Variants in TFPI observed in about 807,000 individuals in gnomAD.
TFPI encodes the protein anti-convertin.
In TFPI, 15 loss-of-function variants were observed where a neutral mutation model predicts 34.6. The ratio of observed to expected loss-of-function variants is 0.43; its 90% confidence interval spans 0.29 to 0.67. The LOEUF is 0.67. TFPI is among the 30% of genes least tolerant of loss of function. TFPI has a pLI of 0.15. For synonymous variants in TFPI, 105 were observed against 120.1 expected, an observed-to-expected ratio of 0.87 and a Z score of 0.82; for missense variants, 301 against 364.0, an observed-to-expected ratio of 0.83 and a Z score of 1.41.
chr2:187,485,425 T>C (rs1693191590), intron 4 of TFPI, among the ~76,000 whole-genome samples: 1 of 151,746 alleles, frequency 6.6e-6, no homozygotes, highest in African/African-American at 2.4e-5. Flanking sequence ...CCATTAAGAA[T>C]GGTTTAAATT....
intron 1 of TFPI, among the ~76,000 whole-genome samples, chr2:187,506,682 T>C (rs1686241695): frequency 6.6e-6 from 1 of 152,072 alleles, no homozygotes; most frequent in Non-Finnish European, 1.5e-5. Context: ...GGTATCCCCT[T>C]AATAGAATTT....
intron 1 of TFPI, among the ~76,000 whole-genome samples, chr2:187,508,433 A>G (rs1559130057): frequency 6.6e-6 from 1 of 152,180 alleles, no homozygotes; most frequent in Non-Finnish European, 1.5e-5. Flanking sequence ...GATTCTTCCT[A>G]TCCATGAGCA....
At chr2:187,479,286 G>A (rs751051353) in intron 6 of TFPI, among the ~76,000 whole-genome samples, 1 of 151,758 alleles carries the variant, frequency 6.6e-6, no homozygotes, top group Non-Finnish European at 1.5e-5. Context: ...CCACATGATC[G>A]ATGACTAGAA....
intron 1 of TFPI, among the ~76,000 whole-genome samples, chr2:187,531,390 T>C (rs1478528613): frequency 6.6e-6 from 1 of 152,144 alleles, no homozygotes; most frequent in South Asian, 2.1e-4. Flanking sequence ...CAATGAATCA[T>C]TAAAATGTGA....
At chr2:187,532,869 C>T (rs1041917163) in intron 1 of TFPI, among the ~76,000 whole-genome samples, 1 of 152,142 alleles carries the variant, frequency 6.6e-6, no homozygotes. Context: ...CTTAAGTCGA[C>T]CTGGGATACT....
chr2:187,469,159 TA>T (rs1231061266), intron 6 of TFPI, among the ~76,000 whole-genome samples: 1 of 152,066 alleles, frequency 6.6e-6, no homozygotes, highest in Non-Finnish European at 1.5e-5. Context: ...AAATAAGGAC[TA>T]GAGTGTCTTG....
At chr2:187,507,755 T>C (rs1183117068) in intron 1 of TFPI, among the ~76,000 whole-genome samples, 1 of 152,242 alleles carries the variant, frequency 6.6e-6, no homozygotes, top group Non-Finnish European at 1.5e-5. Flanking sequence ...TCCCATTCTG[T>C]AGGTTGCCTG....
chr2:187,468,394 A>C (rs1039197569), intron 6 of TFPI, among the ~76,000 whole-genome samples: 3 of 152,096 alleles, frequency 2.0e-5, no homozygotes, highest in Admixed American at 1.3e-4. Context: ...AAAACACTGA[A>C]GCTGAGGAAG....
chr2:187,527,244 G>C (rs1440931871), intron 1 of TFPI: 1 of 152,052 alleles, frequency 6.6e-6, no homozygotes, highest in Non-Finnish European at 1.5e-5. Context: ...TTTACTTTTT[G>C]CAAGTAGTAT....
chr2:187,492,790 A>G (rs1685208906), intron 3 of TFPI, among the ~76,000 whole-genome samples: 1 of 152,178 alleles, frequency 6.6e-6, no homozygotes, highest in Non-Finnish European at 1.5e-5. Flanking sequence ...TGTATCTAGG[A>G]AGTAACTAAC....
At chr2:187,551,718 T>C (rs564405522) in intron 1 of TFPI, among the ~76,000 whole-genome samples, 2 of 152,276 alleles carry the variant, frequency 1.3e-5, no homozygotes, top group South Asian at 4.1e-4. Flanking sequence ...CACATGTCTA[T>C]TGAATTCAAG....
chr2:187,484,311 T>A, intron 5 of TFPI, 95 bp from the exon 6 acceptor site: 1 of 976,418 alleles, frequency 1.0e-6, no homozygotes, highest in Non-Finnish European at 1.5e-6. Flanking sequence ...AGCAGACTTC[T>A]GGCAATTTCA....
intron 1 of TFPI, among the ~76,000 whole-genome samples, chr2:187,506,464 A>T (rs1686228235): frequency 1.3e-5 from 2 of 152,092 alleles, no homozygotes; most frequent in East Asian, 3.9e-4. Context: ...ACCAAAATTG[A>T]TACATTGTTA....
chr2:187,481,668 G>GT (rs1692871639), intron 6 of TFPI, among the ~76,000 whole-genome samples: 1 of 151,450 alleles, frequency 6.6e-6, no homozygotes, highest in Non-Finnish European at 1.5e-5. Context: ...GGGGAGGGGC[G>GT]GGGAAGGGAA....
chr2:187,518,969 T>C (rs1374562428), intron 1 of TFPI: 1 of 152,238 alleles, frequency 6.6e-6, no homozygotes, highest in Non-Finnish European at 1.5e-5. Flanking sequence ...CACGAAGTTC[T>C]CATGCTGTGT....
intron 1 of TFPI, among the ~76,000 whole-genome samples, chr2:187,527,903 A>G (rs562844094): frequency 6.6e-6 from 1 of 152,124 alleles, no homozygotes; most frequent in Non-Finnish European, 1.5e-5. Flanking sequence ...ATATGACTAG[A>G]TGGCTAGTAA....
At chr2:187,476,827 T>A (rs1692407519) in intron 6 of TFPI, among the ~76,000 whole-genome samples, 2 of 152,208 alleles carry the variant, frequency 1.3e-5, no homozygotes, top group Admixed American at 1.3e-4. Flanking sequence ...TTTTTCTTTT[T>A]TTTAAGCAAA....
intron 1 of TFPI, among the ~76,000 whole-genome samples, chr2:187,524,534 T>G (rs1451451826): frequency 6.6e-6 from 1 of 152,046 alleles, no homozygotes; most frequent in Non-Finnish European, 1.5e-5. Flanking sequence ...AAACAATGAC[T>G]GATACAAGTA....
chr2:187,529,935 TC>T (rs1415329600), intron 1 of TFPI, among the ~76,000 whole-genome samples: 32 of 152,318 alleles, frequency 2.1e-4, no homozygotes, highest in African/African-American at 7.2e-4. Flanking sequence ...ATCGCCAACT[TC>T]TTATGTTGTA....
Sources: gnomAD v4.1 joint callset for allele counts (sites outside exome capture counted in the v4.1 genomes callset) on GRCh38, gnomAD v4.1.1 for gene constraint, MANE v1.5 for transcripts, NCBI Gene and HGNC (gene_info 2026-07-23, HGNC 2026-07-21) for gene names.